The following CNTN5 variants were observed in gnomAD, a reference collection of about 807,000 sequenced individuals.
CNTN5 encodes the protein contactin 5, also known as contactin-5.
A neutral mutation model predicts 129.1 loss-of-function variants in CNTN5; 77 were observed. The observed-to-expected ratio is 0.60, with a 90% CI of 0.50 to 0.72. The LOEUF is 0.72. CNTN5 is among the 30% of genes least tolerant of loss of function. The pLI, the probability that CNTN5 is intolerant of heterozygous loss-of-function variation, is 0.00. For missense variants in CNTN5, 1,478 were observed against 1,328.8 expected, an observed-to-expected ratio of 1.11 and a Z score of -1.75; for synonymous variants, 509 against 465.6, an observed-to-expected ratio of 1.09 and a Z score of -1.20.
At chr11:100,001,656 T>C (rs1284905586) in intron 8 of CNTN5, among the ~76,000 whole-genome samples, 1 of 152,232 alleles carries the variant, frequency 6.6e-6, no homozygotes, top group Non-Finnish European at 1.5e-5. Flanking sequence ...AGATATTCAA[T>C]AAATATTTGA....
chr11:99,962,185 T>C (rs1253137280), intron 8 of CNTN5, among the ~76,000 whole-genome samples: 1 of 152,150 alleles, frequency 6.6e-6, no homozygotes, highest in Non-Finnish European at 1.5e-5. Flanking sequence ...TACCTTAAGT[T>C]TTAGAGTACA....
intron 6 of CNTN5, among the ~76,000 whole-genome samples, chr11:99,876,176 G>A (rs868725362): frequency 1.3e-5 from 2 of 151,990 alleles, no homozygotes; most frequent in African/African-American, 4.8e-5. Context: ...TATGCCATGC[G>A]ACCAACATCC....
chr11:100,068,438 C>T (rs972473080), intron 10 of CNTN5, among the ~76,000 whole-genome samples: 5 of 152,098 alleles, frequency 3.3e-5, no homozygotes, highest in Admixed American at 6.6e-5. Flanking sequence ...AAGTAGAACA[C>T]TCTATGTAGA....
intron 17 of CNTN5, among the ~76,000 whole-genome samples, chr11:100,262,141 A>T (rs950265131): frequency 1.3e-5 from 2 of 152,240 alleles, no homozygotes; most frequent in Admixed American, 1.3e-4. Context: ...AAAGGATATG[A>T]ACAGACACTT....
At chr11:99,147,415 G>A (rs748043304) in intron 1 of CNTN5, among the ~76,000 whole-genome samples, 6 of 152,078 alleles carry the variant, frequency 3.9e-5, no homozygotes, top group Non-Finnish European at 7.4e-5. Flanking sequence ...CAGAAAATTA[G>A]TCTGAAAAGA....
At chr11:100,304,928 T>C (rs1951312918) in intron 20 of CNTN5, among the ~76,000 whole-genome samples, 1 of 151,306 alleles carries the variant, frequency 6.6e-6, no homozygotes, top group Non-Finnish European at 1.5e-5. Flanking sequence ...AAATGGCAAT[T>C]ATTAGTATTT....
intron 8 of CNTN5, among the ~76,000 whole-genome samples, chr11:99,995,081 A>T (rs180688600): frequency 6.6e-6 from 1 of 152,340 alleles, no homozygotes; most frequent in East Asian, 1.9e-4. Flanking sequence ...GCTATTTATC[A>T]GGCTCTTGAT....
At chr11:99,282,905 C>T (rs1184289924) in intron 1 of CNTN5, among the ~76,000 whole-genome samples, 2 of 151,998 alleles carry the variant, frequency 1.3e-5, no homozygotes, top group African/African-American at 2.4e-5. Flanking sequence ...TGGCTATAGT[C>T]TTGGGCATGA....
intron 1 of CNTN5, among the ~76,000 whole-genome samples, chr11:99,213,883 T>G (rs1309431373): frequency 6.6e-6 from 1 of 152,168 alleles, no homozygotes; most frequent in Non-Finnish European, 1.5e-5. Context: ...ATGCTGAGAA[T>G]AAACAAGTAC....
intron 1 of CNTN5, chr11:99,120,462 G>C (rs1316471166): frequency 6.6e-6 from 1 of 152,174 alleles, no homozygotes; most frequent in African/African-American, 2.4e-5. Flanking sequence ...ATAACTAGAC[G>C]CTGAGAAAGA....
At chr11:99,070,073 C>A (rs558689890) in intron 1 of CNTN5, among the ~76,000 whole-genome samples, 1 of 152,300 alleles carries the variant, frequency 6.6e-6, no homozygotes, top group East Asian at 1.9e-4. Context: ...GGCTTCCTGA[C>A]GACCACTTAG....
chr11:100,325,965 G>A (rs182038389), intron 21 of CNTN5, among the ~76,000 whole-genome samples: 2 of 152,184 alleles, frequency 1.3e-5, no homozygotes, highest in Admixed American at 1.3e-4. Context: ...TAAATCAGAA[G>A]AAAAATTTTA....
At chr11:100,031,354 T>C (rs1364666033) in intron 9 of CNTN5, among the ~76,000 whole-genome samples, 4 of 152,176 alleles carry the variant, frequency 2.6e-5, no homozygotes, top group Non-Finnish European at 5.9e-5. Flanking sequence ...AGAGAGCCTA[T>C]GAGTGGACGT....
At chr11:100,225,055 C>G (rs570099830) in intron 16 of CNTN5, 5 of 309,142 alleles carry the variant, frequency 1.6e-5, no homozygotes, top group African/African-American at 1.0e-4. Flanking sequence ...TAAGTTGTCA[C>G]TAAGTGTTTA....
Position 99,556,242 on chromosome 11 carries a change from T to A in CNTN5, c.28T>A (p.Phe10Ile), listed in dbSNP as rs1948659489. Residue 10 changes from phenylalanine to isoleucine, a missense_variant, in exon 3 of 25, where the codon TTT (phenylalanine) becomes ATT (isoleucine). Transcript: ENST00000524871. MASSWKLML[F>I]LSVTMCLSEY... ...GGCTTCCTCTTGGAAACTAATGCTG[T>A]TTCTGTCAGTCACCATGTGTCTTTC... The A allele has an allele frequency of 1.2e-5, 19 of 1,531,298 alleles. No individual in the cohort carries two copies. Among genetic ancestry groups the A allele is most frequent in the Non-Finnish European group, 1.7e-5 (19 of 1,133,550 alleles). The allele number at this position is 1,531,298 out of a possible 1,614,324, so 94.9% of individuals were successfully genotyped here.
At chr11:100,080,764 C>T (rs1444679065) in intron 13 of CNTN5, among the ~76,000 whole-genome samples, 1 of 151,912 alleles carries the variant, frequency 6.6e-6, no homozygotes, top group African/African-American at 2.4e-5. Flanking sequence ...TCTGGGTTTT[C>T]CTTAGTGTGT....
At chr11:99,374,512 T>A (rs1281174529) in intron 2 of CNTN5, among the ~76,000 whole-genome samples, 2 of 151,816 alleles carry the variant, frequency 1.3e-5, no homozygotes, top group Non-Finnish European at 2.9e-5. Context: ...TAAAACCCCG[T>A]CTCTACAAAA....
At chr11:99,930,045 T>C (rs1263495866) in intron 7 of CNTN5, among the ~76,000 whole-genome samples, 1 of 152,174 alleles carries the variant, frequency 6.6e-6, no homozygotes, top group Non-Finnish European at 1.5e-5. Context: ...TCCTGGTCTT[T>C]TCCCCTTGTC....
intron 13 of CNTN5, among the ~76,000 whole-genome samples, chr11:100,173,729 A>G (rs537657977): frequency 6.6e-6 from 1 of 152,276 alleles, no homozygotes; most frequent in Admixed American, 6.5e-5. Context: ...GTGTGCTTAC[A>G]AGAGCGAGCC....
Sources: allele counts gnomAD v4.1 joint callset (sites outside exome capture counted in the v4.1 genomes callset), GRCh38; gene constraint gnomAD v4.1.1; transcripts MANE v1.5; gene names NCBI Gene and HGNC (gene_info 2026-07-23, HGNC 2026-07-21).